Variants in SLC2A9 observed in about 807,000 individuals in gnomAD.
SLC2A9 encodes the protein solute carrier family 2 member 9.
Under a neutral mutation model 50.6 loss-of-function variants are expected in SLC2A9, and 39 were observed. The observed-to-expected ratio is 0.77, with a 90% CI of 0.60 to 1.01. The LOEUF (loss-of-function observed/expected upper bound fraction) is 1.01. SLC2A9 is among the 50% of genes least tolerant of loss of function. SLC2A9 has a pLI of 0.00. For missense variants in SLC2A9, 686 were observed against 677.6 expected (o/e 1.01, Z -0.14); for synonymous variants, 324 against 276.9 (o/e 1.17, Z -1.69).
downstream of SLC2A9, among the ~76,000 whole-genome samples, chr4:9,826,049 A>G (rs925634862): frequency 4.9e-4 from 75 of 152,142 alleles, no homozygotes; most frequent in African/African-American, 1.7e-3. Flanking sequence ...TTGATAAAGC[A>G]TTAACCTACT....
At chr4:9,822,186 G>A (rs2109050881), downstream of SLC2A9, among the ~76,000 whole-genome samples, 1 of 152,166 alleles carries the variant, frequency 6.6e-6, no homozygotes, top group African/African-American at 2.4e-5. Flanking sequence ...TGGTTAGCCT[G>A]GATAGAGGTT....
intron 3 of SLC2A9, chr4:9,995,817 T>G (rs1758552129): frequency 6.6e-6 from 1 of 152,170 alleles, no homozygotes; most frequent in South Asian, 2.1e-4. Flanking sequence ...TCAAATAAAT[T>G]AAATGATTTG....
At chr4:9,881,038 C>T (rs62293290) in intron 10 of SLC2A9, among the ~76,000 whole-genome samples, 18,447 of 152,242 alleles carry the variant, frequency 0.12, 1,310 homozygotes, top group African/African-American at 0.17. Flanking sequence ...CTCCTGACTC[C>T]TCCTCTGTGT....
chr4:10,035,080 T>A (rs536091430), intron 1 of SLC2A9: 2 of 152,376 alleles, frequency 1.3e-5, no homozygotes, highest in African/African-American at 4.8e-5. Flanking sequence ...TGCAGGACGT[T>A]TCACCCTTTC....
chr4:9,974,530 A>AC (rs1368520950), intron 5 of SLC2A9, among the ~76,000 whole-genome samples: 9 of 151,912 alleles, frequency 5.9e-5, no homozygotes, highest in African/African-American at 1.2e-4. Flanking sequence ...CAAAAAAAAA[A>AC]ACTAGGAAAT....
At chr4:9,988,704 G>C (rs17187075) in intron 3 of SLC2A9, among the ~76,000 whole-genome samples, 69,261 of 152,062 alleles carry the variant, frequency 0.46, 17,028 homozygotes, top group South Asian at 0.59. Context: ...CTCCAATAGT[G>C]TAGAATCTTC....
At chr4:9,817,653 G>A (rs138160647) in intron 3 of SLC2A9, among the ~76,000 whole-genome samples, 12 of 152,230 alleles carry the variant, frequency 7.9e-5, no homozygotes, top group Admixed American at 1.3e-4. Flanking sequence ...TGTCCACTCC[G>A]AGTCCTTTTG....
chr4:9,788,968 G>T (rs1434028547), intron 3 of SLC2A9, among the ~76,000 whole-genome samples: 1 of 152,114 alleles, frequency 6.6e-6, no homozygotes, highest in African/African-American at 2.4e-5. Flanking sequence ...TGTTGCTGGG[G>T]TGACATTGTT....
intron 1 of SLC2A9, among the ~76,000 whole-genome samples, chr4:10,019,862 C>G (rs555037298): frequency 2.0e-5 from 3 of 152,380 alleles, no homozygotes; most frequent in Admixed American, 2.0e-4. Context: ...AGGACAGCCA[C>G]CACCAGTACA....
chr4:9,991,326 G>A (rs919452776), intron 3 of SLC2A9, among the ~76,000 whole-genome samples: 3 of 152,196 alleles, frequency 2.0e-5, no homozygotes, highest in Non-Finnish European at 4.4e-5. Flanking sequence ...CCTGAAAGAA[G>A]AGGTTGTCAG....
chr4:9,840,779 T>C lies in SLC2A9; in HGVS notation c.1292-5771A>G, dbSNP rs1287910320. Among the ~76,000 whole-genome samples, 5 of 152,074 alleles carry C rather than the reference T, an allele frequency of 3.3e-5. No homozygotes were observed. In the South Asian group the frequency reaches 8.3e-4, roughly 25 times the overall value. ...CCATTTTTGCACTGCTATAAAGATATACCTGACACTGAGTAATTTATAAAG... is the reference window on the plus strand; with the variant it reads ...CCATTTTTGCACTGCTATAAAGATACACCTGACACTGAGTAATTTATAAAG... On this transcript the variant is annotated intron_variant, in intron 10 of 11. Coordinates refer to ENST00000264784, the MANE Select transcript of SLC2A9 (RefSeq NM_020041.3).
Position 9,877,594 on chromosome 4 carries a change from A to G in SLC2A9, c.1291+9973T>C, listed in dbSNP as rs918845656. 9.2e-5 allele frequency among the ~76,000 whole-genome samples: 14 copies of G among 152,294 alleles called. No individual in the cohort carries two copies. In the East Asian group the frequency reaches 2.7e-3, roughly 29 times the overall value. On this transcript the variant is annotated intron_variant, in intron 10 of 11. Transcript: ENST00000264784. Reference sequence around the variant, plus strand: ...CCTGCCTCCTGTAAATCCAGTAAGCAATACTTATTCATTCCCAGGTCTGTC... The same window carrying G: ...CCTGCCTCCTGTAAATCCAGTAAGCGATACTTATTCATTCCCAGGTCTGTC...
At chr4:9,776,427 G>A (rs964448047), downstream of SLC2A9, among the ~76,000 whole-genome samples, 3 of 151,948 alleles carry the variant, frequency 2.0e-5, no homozygotes, top group African/African-American at 7.3e-5. Flanking sequence ...TCCTGCCACT[G>A]CCCTGAGCCT....
intron 10 of SLC2A9, chr4:9,880,249 CT>C (rs1734979150): frequency 1.0e-6 from 1 of 985,352 alleles, no homozygotes; most frequent in African/African-American, 1.7e-5. Context: ...TTAAATGAAG[CT>C]TCTAAACCCT....
Position 9,994,508 on chromosome 4 carries a change from A to G in SLC2A9, c.410+2273T>C, listed in dbSNP as rs548558422. Among the ~76,000 whole-genome samples, 6 of 148,544 alleles carry G rather than the reference A, an allele frequency of 4.0e-5. No individual in the cohort carries two copies. In the South Asian group the frequency reaches 1.1e-3, roughly 26 times the overall value. ...ATCCTCACTTCTTTATGACTCCTCC[A>G]TTACTTAGAGATTGAAGGTATTTTC... is the stretch of plus-strand genomic sequence containing the variant. On this transcript the variant is annotated intron_variant, in intron 3 of 11. Coordinates refer to ENST00000264784, the MANE Select transcript of SLC2A9 (RefSeq NM_020041.3).
intron 10 of SLC2A9, among the ~76,000 whole-genome samples, chr4:9,873,414 T>C (rs1733772031): frequency 6.6e-6 from 1 of 152,230 alleles, no homozygotes; most frequent in African/African-American, 2.4e-5. Context: ...GCCCCTCCAA[T>C]GGGAGGGAAA....
chr4:9,955,939 G>A (rs1174992206), intron 5 of SLC2A9, among the ~76,000 whole-genome samples: 1 of 134,304 alleles, frequency 7.4e-6, no homozygotes, highest in Non-Finnish European at 1.5e-5. Context: ...GTGTAGTGGT[G>A]CAAACTTGGC....
chr4:9,916,563 C>A (rs1742882028), intron 7 of SLC2A9, among the ~76,000 whole-genome samples: 1 of 152,184 alleles, frequency 6.6e-6, no homozygotes, highest in East Asian at 1.9e-4. Context: ...CAGCTGCCAC[C>A]TGTGAGATAT....
intron 6 of SLC2A9, among the ~76,000 whole-genome samples, chr4:9,937,721 G>A: frequency 1.3e-5 from 2 of 152,198 alleles, no homozygotes; most frequent in East Asian, 3.9e-4. Flanking sequence ...GGTGAGCTGA[G>A]GGCCTCCAGG....
Sources: gnomAD v4.1 joint callset for allele counts (sites outside exome capture counted in the v4.1 genomes callset) on GRCh38, gnomAD v4.1.1 for gene constraint, MANE v1.5 for transcripts, NCBI Gene and HGNC (gene_info 2026-07-23, HGNC 2026-07-21) for gene names.